Variants in DPYSL3 observed in about 807,000 individuals in gnomAD.
DPYSL3 encodes dihydropyrimidinase like 3, also known as dihydropyrimidinase-related protein 3.
A neutral mutation model predicts 66.1 loss-of-function variants in DPYSL3; 16 were observed. The observed-to-expected ratio is 0.24, with a 90% CI of 0.16 to 0.37. The LOEUF (loss-of-function observed/expected upper bound fraction) is 0.37. Among genes scored for constraint, DPYSL3 ranks in the 10% least tolerant of loss-of-function variants. The pLI is 1.00. For synonymous variants in DPYSL3, 338 were observed against 345.1 expected (o/e 0.98, Z 0.23); for missense variants, 738 against 916.2 (o/e 0.81, Z 2.51).
intron 7 of DPYSL3, 59 bp downstream of exon 7, chr5:147,408,669 C>G (rs764919136): frequency 2.8e-5 from 44 of 1,566,398 alleles, no homozygotes; most frequent in Non-Finnish European, 3.9e-5. Context: ...ACATTCTCGT[C>G]GCCTTTTAAC....
intron 1 of DPYSL3, among the ~76,000 whole-genome samples, chr5:147,463,321 G>C (rs766126901): frequency 1.3e-5 from 2 of 152,072 alleles, no homozygotes; most frequent in African/African-American, 4.8e-5. Context: ...ACAATGAGGA[G>C]ATACTTTCCT....
rs1758034771 is a variant in DPYSL3 at position 147,397,716 on chromosome 5, A to T, written c.1753T>A (p.Cys585Ser). 1 of 1,614,060 alleles carries T rather than the reference A, an allele frequency of 6.2e-7. No individual in the cohort carries two copies. Among genetic ancestry groups the T allele is most frequent in the African/African-American group, 1.3e-5 (1 of 74,916 alleles). The change falls in exon 12 of 14, where the codon TGC becomes AGC. Residue 585 changes from cysteine to serine, a missense_variant. Cys to Ser is a moderately radical substitution (Grantham distance 112). Coordinates refer to ENST00000343218, the MANE Select transcript of DPYSL3 (RefSeq NM_001197294.2). ...VTQGAGRFIP[C>S]SPFSDYVYKR... ...TAGACATAGTCGGAGAACGGGCTGC[A>T]GGGTATGAAGCGGCCAGCCCCCTGG... is the stretch of plus-strand genomic sequence containing the variant.
At position 147,391,155 on chromosome 5, in the gene DPYSL3, C is replaced by G. The variant is rs1413909732; in HGVS notation, c.*2880G>C. 1 of 152,550 alleles carries G rather than the reference C, an allele frequency of 6.6e-6. No homozygotes were observed. The highest frequency in any genetic ancestry group is 1.9e-4 in the East Asian group (1 of 5,190). The allele number at this position is 152,550 out of a possible 1,614,324, so 9.4% of individuals were successfully genotyped here. On this transcript the variant is annotated 3_prime_UTR_variant, in exon 14 of 14. Transcript: ENST00000343218. ...TGTGGCAAGGAAGTTGGGAATTGCC[C>G]ACCCTACTGGAAAGGGCTTCTCAGG...
Position 147,392,945 on chromosome 5 carries a change from C to T in DPYSL3, c.*1090G>A, listed in dbSNP as rs1757856355. On this transcript the variant is annotated 3_prime_UTR_variant, in exon 14 of 14. Coordinates refer to ENST00000343218, the MANE Select transcript of DPYSL3 (RefSeq NM_001197294.2). ...CTATTACGGTAAAAATTAGGGAACA[C>T]CTAATAAAACCAACTTTCAAAAACT... is the stretch of plus-strand genomic sequence containing the variant. 3 of 152,202 alleles carry T rather than the reference C, an allele frequency of 2.0e-5. No homozygotes were observed. Among genetic ancestry groups the T allele is most frequent in the Non-Finnish European group, 4.4e-5 (3 of 68,052 alleles). 9.4% of individuals were successfully genotyped at this position (152,202 alleles called of 1,614,324 possible). A position where few individuals can be genotyped will look rare whatever the true frequency, so the allele number is the denominator to read the frequency against.
intron 1 of DPYSL3, chr5:147,453,566 T>C: frequency 1.3e-6 from 2 of 1,539,302 alleles, no homozygotes; most frequent in East Asian, 2.5e-5. Flanking sequence ...CGCGGGATGT[T>C]CTTCTTGCCT....
At chr5:147,486,613 A>C (rs973458735) in intron 1 of DPYSL3, among the ~76,000 whole-genome samples, 1 of 152,218 alleles carries the variant, frequency 6.6e-6, no homozygotes, top group African/African-American at 2.4e-5. Context: ...TGTAGCTGCC[A>C]TCACCTCTTC....
intron 1 of DPYSL3, among the ~76,000 whole-genome samples, chr5:147,460,149 A>G (rs936824648): frequency 6.6e-6 from 1 of 152,034 alleles, no homozygotes; most frequent in African/African-American, 2.4e-5. Context: ...ATGAGGACAA[A>G]TTATTGTATG....
At chr5:147,507,982 T>G (rs1422479918) in intron 1 of DPYSL3, among the ~76,000 whole-genome samples, 1 of 152,188 alleles carries the variant, frequency 6.6e-6, no homozygotes, top group Non-Finnish European at 1.5e-5. Flanking sequence ...GAAGGGAACA[T>G]TTCAATATGG....
intron 1 of DPYSL3, among the ~76,000 whole-genome samples, 191 bp from the exon 2 acceptor site, chr5:147,425,154 C>A (rs1752172429): frequency 1.3e-5 from 2 of 152,126 alleles, no homozygotes; most frequent in Admixed American, 6.5e-5. Context: ...CTTGTTTGCC[C>A]TTAATTCAAA....
At chr5:147,442,419 G>C (rs909693669) in intron 1 of DPYSL3, among the ~76,000 whole-genome samples, 1 of 152,186 alleles carries the variant, frequency 6.6e-6, no homozygotes, top group African/African-American at 2.4e-5. Context: ...AGTTTTCCAT[G>C]TAAAATGGCA....
At chr5:147,469,265 C>T (rs1753051393) in intron 1 of DPYSL3, among the ~76,000 whole-genome samples, 4 of 152,218 alleles carry the variant, frequency 2.6e-5, no homozygotes, top group African/African-American at 9.7e-5. Context: ...CCCTTGCTTT[C>T]CTCTCTACTT....
chr5:147,405,498 G>T, intron 8 of DPYSL3, 112 bp downstream of exon 8: 1 of 1,400,184 alleles, frequency 7.1e-7, no homozygotes, highest in South Asian at 1.7e-5. Context: ...GGCTTCCTAG[G>T]GAGCAAGGCA....
chr5:147,409,504 T>A (rs536533410), intron 6 of DPYSL3, among the ~76,000 whole-genome samples: 1 of 152,340 alleles, frequency 6.6e-6, no homozygotes, highest in South Asian at 2.1e-4. Flanking sequence ...ATTACCTAAG[T>A]TAGTGTCTTG....
At chr5:147,401,830 T>C in intron 8 of DPYSL3, 134 bp from the exon 9 acceptor site, 1 of 1,019,246 alleles carries the variant, frequency 9.8e-7, no homozygotes, top group Non-Finnish European at 1.4e-6. Context: ...CAAGTCCATG[T>C]TCCCACCTTT....
chr5:147,426,000 A>ACCATCCAT (rs375856381), intron 1 of DPYSL3, among the ~76,000 whole-genome samples: 71 of 150,136 alleles, frequency 4.7e-4, no homozygotes, highest in South Asian at 1.1e-3. Flanking sequence ...TTCAACTCCA[A>ACCATCCAT]CCATCCATCC....
Position 147,424,858 on chromosome 5 carries a change from G to A in DPYSL3, c.470+17C>T. 2 of 1,562,696 alleles carry A rather than the reference G, an allele frequency of 1.3e-6. No homozygotes were observed. Among genetic ancestry groups the A allele is most frequent in the Non-Finnish European group, 1.8e-6 (2 of 1,141,020 alleles). ...AGGAAGTGCAAAACAATAAAGAGAA[G>A]AATTCCATATACATACTTTATTAAG... On this transcript the variant is annotated intron_variant, in intron 2 of 13. Transcript: ENST00000343218.
At chr5:147,502,592 T>A (rs982775138) in intron 1 of DPYSL3, among the ~76,000 whole-genome samples, 2 of 127,802 alleles carry the variant, frequency 1.6e-5, no homozygotes, top group African/African-American at 6.2e-5. Context: ...TTTTTTTTTT[T>A]TTGAGACGGA....
chr5:147,421,858 T>G (rs1752086195), intron 2 of DPYSL3, among the ~76,000 whole-genome samples: 1 of 152,018 alleles, frequency 6.6e-6, no homozygotes, highest in African/African-American at 2.4e-5. Flanking sequence ...CAAAATTAAC[T>G]CAAGATGGAT....
intron 1 of DPYSL3, among the ~76,000 whole-genome samples, chr5:147,469,981 T>G (rs1419610574): frequency 6.6e-6 from 1 of 152,224 alleles, no homozygotes; most frequent in African/African-American, 2.4e-5. Flanking sequence ...GTCAGCCACC[T>G]TTGGACATTG....
Sources: gnomAD v4.1 joint callset for allele counts (sites outside exome capture counted in the v4.1 genomes callset) on GRCh38, gnomAD v4.1.1 for gene constraint, MANE v1.5 for transcripts, NCBI Gene and HGNC (gene_info 2026-07-23, HGNC 2026-07-21) for gene names.